Variants in LTBR observed in about 807,000 individuals in gnomAD.
The protein encoded by LTBR is lymphotoxin beta receptor.
LTBR carries 15 observed loss-of-function variants against 45.4 expected under a neutral mutation model. The ratio of observed to expected loss-of-function variants is 0.33; its 90% CI spans 0.22 to 0.51. The LOEUF (loss-of-function observed/expected upper bound fraction) is 0.51, where lower values mean the gene tolerates loss of function less well. Among genes scored for constraint, LTBR ranks in the 20% least tolerant of loss-of-function variants. The probability of loss-of-function intolerance (pLI) is 0.97; values close to 1 mark genes in which losing one functional copy is unlikely to be tolerated. For synonymous variants in LTBR, 228 were observed against 231.0 expected (o/e 0.99, Z 0.12); for missense variants, 450 against 565.5 (o/e 0.80, Z 2.07).
chr12:6,375,862 G>C, intron 1 of LTBR: 3 of 1,316,932 alleles, frequency 2.3e-6, no homozygotes, highest in Non-Finnish European at 2.9e-6. Context: ...GGCCTGGGTG[G>C]GGAACCGGGA....
chr12:6,377,512 C>T (rs1465899305), intron 1 of LTBR, among the ~76,000 whole-genome samples: 2 of 152,174 alleles, frequency 1.3e-5, no homozygotes, highest in Non-Finnish European at 2.9e-5. Flanking sequence ...CCGGGAAGGC[C>T]TCCCTCACTC....
chr12:6,385,415 G>A (rs985312772), intron 4 of LTBR, 36 bp downstream of exon 4: 17 of 1,609,974 alleles, frequency 1.1e-5, no homozygotes, highest in African/African-American at 2.7e-5. Flanking sequence ...GTGAAAAGGA[G>A]GCTGGGTGCC....
At position 6,390,352 on chromosome 12, in the gene LTBR, G is replaced by A; in HGVS notation, c.1030+12G>A. 6.3e-7 allele frequency: 1 copy of A among 1,577,974 alleles called. No homozygotes were observed. Among genetic ancestry groups the A allele is most frequent in the Non-Finnish European group, 8.6e-7 (1 of 1,157,654 alleles). On this transcript the variant is annotated intron_variant, in intron 9 of 9. Transcript: ENST00000228918. ...CCAGGTGGCCCACGGTGAGCCTGGG[G>A]CAGGGAGAAGAGAGGAAGGATGGGG...
upstream of LTBR, among the ~76,000 whole-genome samples, chr12:6,380,214 C>T (rs915356804): frequency 1.4e-5 from 1 of 70,866 alleles, no homozygotes; most frequent in Admixed American, 1.7e-4. Context: ...GGCAAAGTCA[C>T]CCCCGTTGAA....
intron 1 of LTBR, chr12:6,375,792 G>A: frequency 1.4e-6 from 2 of 1,389,362 alleles, no homozygotes; most frequent in South Asian, 1.6e-5. Context: ...ACAAGTAGAA[G>A]GATCCTGAGC....
At chr12:6,389,956 GGAAA>G (rs1180352726) in intron 8 of LTBR, 152 bp from the exon 9 acceptor site, 7 of 623,124 alleles carry the variant, frequency 1.1e-5, no homozygotes, top group East Asian at 8.1e-5. Flanking sequence ...GACCCTGTCT[GGAAA>G]GAAAGAAAGA....
Position 6,386,739 on chromosome 12 carries a change from A to C in LTBR, c.667+295A>C. On this transcript the variant is annotated intron_variant, in intron 6 of 9. Transcript: ENST00000228918. This position sits in a 1 kb window ranked among gnomAD's most constrained non-coding sequence, Gnocchi z 4.1. ...ATCATTTTGGGCTTACCAACATTAC[A>C]CAATCCGTTTTTTTTTTTCACACAA... 3.0e-6 allele frequency: 1 copy of C among 330,648 alleles called. No homozygotes were observed. Among genetic ancestry groups the C allele is most frequent in the Non-Finnish European group, 5.5e-6 (1 of 181,948 alleles). The allele number at this position is 330,648 out of a possible 1,614,324, so 20.5% of individuals were successfully genotyped here.
intron 6 of LTBR, chr12:6,387,797 G>A: frequency 2.2e-6 from 1 of 445,472 alleles, no homozygotes; most frequent in Non-Finnish European, 4.5e-6. Context: ...TCCCCTCCTA[G>A]AACCTGCCCT....
Position 6,388,833 on chromosome 12 carries a change from C to A in LTBR, c.801+8C>A. 1 of 1,613,956 alleles carries A rather than the reference C, an allele frequency of 6.2e-7. No homozygotes were observed. On this transcript the variant is annotated splice_region_variant and intron_variant, in intron 8 of 9. Transcript: ENST00000228918. This position sits in a 1 kb window ranked among gnomAD's most constrained non-coding sequence, Gnocchi z 4.3. ...CTCAAGAGGCGTCCGCAGGTAATGG[C>A]GGGGGCTGAGAAGGCAGCAAGAAGG...
At position 6,384,594 on chromosome 12, in the gene LTBR, C is replaced by T; in HGVS notation, c.103C>T (p.Pro35Ser). 6.2e-7 allele frequency: 1 copy of T among 1,614,052 alleles called. No individual in the cohort carries two copies. Among genetic ancestry groups the T allele is most frequent in the Non-Finnish European group, 8.5e-7 (1 of 1,179,882 alleles). The change falls in exon 2 of 10, where the codon CCA becomes TCA. Residue 35 changes from proline to serine, a missense_variant. Physicochemically the swap from Pro to Ser is moderately conservative, Grantham distance 74. Coordinates refer to ENST00000228918, the MANE Select transcript of LTBR (RefSeq NM_002342.3). ...TCTCCATCTCCCTTTGAAGGTGCCT[C>T]CATATGCGTCGGAGAACCAGACCTG... is the stretch of plus-strand genomic sequence containing the variant. ...LAASQPQAVP[P>S]YASENQTCRD...
rs1208354534 is a variant in LTBR, at chr12:6,390,877, G to A, written c.1248G>A (p.Glu416=). 2 of 1,604,932 alleles carry A rather than the reference G, an allele frequency of 1.2e-6. No individual in the cohort carries two copies. The highest frequency in any genetic ancestry group is 1.7e-6 in the Non-Finnish European group (2 of 1,175,258). Reference sequence around the variant, plus strand: ...AGGCTTGGCACCTAGCGGAGACAGAGCACTGTGGTGCCACACCCTCTAACA... The same window carrying A: ...AGGCTTGGCACCTAGCGGAGACAGAACACTGTGGTGCCACACCCTCTAACA... ...DGKAWHLAET[E]HCGATPSNRG... The change falls in exon 10 of 10, where the codon GAG becomes GAA. Residue 416 remains glutamate, a synonymous_variant. Coordinates refer to ENST00000228918, the MANE Select transcript of LTBR (RefSeq NM_002342.3).
Position 6,391,076 on chromosome 12 carries a change from C to G in LTBR, c.*139C>G, listed in dbSNP as rs1592103465. The G allele has an allele frequency of 1.1e-6, 1 of 900,858 alleles. No homozygotes were observed. The highest frequency in any genetic ancestry group is 1.6e-6 in the Non-Finnish European group (1 of 635,230). 55.8% of individuals were successfully genotyped at this position (900,858 alleles called of 1,614,324 possible). ...CTAAGGGATTAAGGCTCAGACACCT[C>G]TGAGAGCAGGTGGGCACTGGCTGGG... On this transcript the variant is annotated 3_prime_UTR_variant, in exon 10 of 10. Coordinates refer to ENST00000228918, the MANE Select transcript of LTBR (RefSeq NM_002342.3).
chr12:6,384,453 C>A lies in LTBR; in HGVS notation c.95C>A (p.Ala32Glu), dbSNP rs1046538300. 1.3e-6 allele frequency: 2 copies of A among 1,556,314 alleles called. No individual in the cohort carries two copies. Among genetic ancestry groups the A allele is most frequent in the Non-Finnish European group, 8.7e-7 (1 of 1,152,292 alleles). The change falls in exon 1 of 10, where the codon GCG (alanine) becomes GAG (glutamate). Residue 32 changes from alanine to glutamate, a missense_variant and splice_region_variant. Transcript: ENST00000228918. ...CTCCTGGCAGCATCGCAGCCCCAGG[C>A]GGTGAGGAAGGGGCCTGGTAGGAGT... The part of the protein sequence containing the change: ...FGLLAASQPQ[A>E]VPPYASENQT...
chr12:6,388,866 G>A lies in LTBR; in HGVS notation c.801+41G>A. On this transcript the variant is annotated intron_variant, in intron 8 of 9. Coordinates refer to ENST00000228918, the MANE Select transcript of LTBR (RefSeq NM_002342.3). This position sits in a 1 kb window ranked among gnomAD's most constrained non-coding sequence, Gnocchi z 4.3. Reference sequence around the variant, plus strand: ...GAGAAGGCAGCAAGAAGGGGAAGAGGTGATGAGGGTACAAGGTGGAGCAGA... The same window carrying A: ...GAGAAGGCAGCAAGAAGGGGAAGAGATGATGAGGGTACAAGGTGGAGCAGA... 6.2e-7 allele frequency: 1 copy of A among 1,613,020 alleles called. No homozygotes were observed. The highest frequency in any genetic ancestry group is 1.1e-5 in the South Asian group (1 of 91,024).
Position 6,389,725 on chromosome 12 carries a change from C to T in LTBR, c.802-387C>T, listed in dbSNP as rs756889048. ...GCTGAGGCAGGAGAATTGCTTGAAC[C>T]GTGGAGGCGGAAGTTGCAGTTGAAC... is the stretch of plus-strand genomic sequence containing the variant. On this transcript the variant is annotated intron_variant, in intron 8 of 9. Transcript: ENST00000228918. 7.4e-5 allele frequency: 12 copies of T among 162,802 alleles called. No individual in the cohort carries two copies. In the South Asian group the frequency reaches 8.6e-4, roughly 12 times the overall value. The allele number at this position is 162,802 out of a possible 1,614,324, so 10.1% of individuals were successfully genotyped here.
At position 6,386,604 on chromosome 12, in the gene LTBR, TACAC is replaced by T. The variant is rs3075360; in HGVS notation, c.667+189_667+192del. The stretch of plus-strand genomic sequence containing the variant: ...AAATTGGAGTATCTCTAGGCTAGTT[TACAC>T]ACACACACACACACACACACACACA... On this transcript the variant is annotated intron_variant, in intron 6 of 9. Coordinates refer to ENST00000228918, the MANE Select transcript of LTBR (RefSeq NM_002342.3). The surrounding 1 kb of genome is among the most constrained non-coding windows in gnomAD (Gnocchi z 4.1). The T allele has an allele frequency of 0.11, 57,795 of 538,864 alleles. 1,311 individuals carry two copies. The highest frequency in any genetic ancestry group is 0.16 in the South Asian group (6,724 of 42,750). 33.4% of individuals were successfully genotyped at this position (538,864 alleles called of 1,614,324 possible). A position where few individuals can be genotyped will look rare whatever the true frequency, so the allele number is the denominator to read the frequency against.
At position 6,388,524 on chromosome 12, in the gene LTBR, C is replaced by T. The variant is rs1279105242; in HGVS notation, c.775+19C>T. The T allele has an allele frequency of 1.2e-6, 2 of 1,601,974 alleles. No homozygotes were observed. Among genetic ancestry groups the T allele is most frequent in the Non-Finnish European group, 1.7e-6 (2 of 1,169,096 alleles). On this transcript the variant is annotated intron_variant, in intron 7 of 9. Coordinates refer to ENST00000228918, the MANE Select transcript of LTBR (RefSeq NM_002342.3). The surrounding 1 kb of genome is among the most constrained non-coding windows in gnomAD (Gnocchi z 4.3). ...AAACTGGGTAGGAAAGGGTTGGATG[C>T]AGTGGATGGTTGGCAATGGGAGCCG...
At position 6,385,219 on chromosome 12, in the gene LTBR, C is replaced by CCCG; in HGVS notation, c.320-5_320-3dup. 6.2e-7 allele frequency: 1 copy of CCCG among 1,614,130 alleles called. No individual in the cohort carries two copies. The highest frequency in any genetic ancestry group is 8.5e-7 in the Non-Finnish European group (1 of 1,180,032). On this transcript the variant is annotated splice_polypyrimidine_tract_variant and splice_region_variant and intron_variant, in intron 3 of 9. Coordinates refer to ENST00000228918, the MANE Select transcript of LTBR (RefSeq NM_002342.3). ...GCCCCTCCCTGAGCCCTCCCGTCTC[C>CCCG]CCGCCAGTGATGGGCCTCGAGGAGA... is the stretch of plus-strand genomic sequence containing the variant.
In LTBR at chr12:6,388,388, G is replaced by A. The variant is rs1461365367; in HGVS notation, c.668-10G>A. 1.2e-6 allele frequency: 2 copies of A among 1,606,496 alleles called. No homozygotes were observed. Among genetic ancestry groups the A allele is most frequent in the South Asian group, 1.1e-5 (1 of 90,928 alleles). Reference sequence around the variant, plus strand: ...GGCTGTGATCACCCTCCTGTCTGCTGTCCTGGCAGGAACCATGCTGATGCT... The same window carrying A: ...GGCTGTGATCACCCTCCTGTCTGCTATCCTGGCAGGAACCATGCTGATGCT... On this transcript the variant is annotated splice_polypyrimidine_tract_variant and intron_variant, in intron 6 of 9. Transcript: ENST00000228918. The surrounding 1 kb of genome is among the most constrained non-coding windows in gnomAD (Gnocchi z 4.3).
Sources: gnomAD v4.1 joint callset for allele counts (sites outside exome capture counted in the v4.1 genomes callset) on GRCh38, gnomAD v4.1.1 for gene constraint, Gnocchi (gnomAD v3.1) non-coding constraint, MANE v1.5 for transcripts, NCBI Gene and HGNC (gene_info 2026-07-23, HGNC 2026-07-21) for gene names.